The following SP140 variants were observed in gnomAD, a reference collection of about 807,000 sequenced individuals.
The protein encoded by SP140 is nuclear body protein SP140.
SP140 carries 81 observed loss-of-function variants against 125.0 expected under a neutral mutation model. The observed-to-expected ratio is 0.65, with a 90% confidence interval of 0.54 to 0.78. SP140 has a LOEUF of 0.78. SP140 is among the 30% of genes least tolerant of loss of function. SP140 has a pLI of 0.00. For missense variants in SP140, 858 were observed against 1,037.0 expected (o/e 0.83, Z 2.37); for synonymous variants, 312 against 354.0 (o/e 0.88, Z 1.33).
upstream of SP140, chr2:230,200,467 A>G (rs2043080447): frequency 5.3e-6 from 1 of 189,898 alleles, no homozygotes; most frequent in Admixed American, 5.4e-5. Flanking sequence ...CAGAAAGGCC[A>G]CATGAGAAAT....
At chr2:230,200,843 C>T (rs200460698), upstream of SP140, 7 of 1,402,124 alleles carry the variant, frequency 5.0e-6, no homozygotes, top group Non-Finnish European at 7.1e-6. Context: ...AATTTAGATT[C>T]CTGGTGACTG....
At chr2:230,309,322 C>T (rs2059115944) in intron 22 of SP140, among the ~76,000 whole-genome samples, 1 of 152,286 alleles carries the variant, frequency 6.6e-6, no homozygotes, top group East Asian at 1.9e-4. Flanking sequence ...TGCCAGGCTC[C>T]CAGAGCTGAA....
chr2:230,283,441 T>C (rs1018840266), intron 15 of SP140, among the ~76,000 whole-genome samples: 3 of 152,194 alleles, frequency 2.0e-5, no homozygotes, highest in Admixed American at 6.5e-5. Context: ...TCTGAATCCC[T>C]AGGCACTTTG....
intron 22 of SP140, among the ~76,000 whole-genome samples, chr2:230,302,435 G>T (rs542206016): frequency 6.6e-6 from 1 of 152,078 alleles, no homozygotes; most frequent in Non-Finnish European, 1.5e-5. Flanking sequence ...CCTAAGAAAT[G>T]AGATAGATGG....
intron 1 of SP140, among the ~76,000 whole-genome samples, chr2:230,208,768 G>A (rs962053947): frequency 6.6e-6 from 1 of 152,224 alleles, no homozygotes; most frequent in Non-Finnish European, 1.5e-5. Flanking sequence ...ACTCTCTCCA[G>A]CACTGCTGGC....
chr2:230,279,801 T>A (rs1178388988), intron 15 of SP140, among the ~76,000 whole-genome samples: 2 of 152,150 alleles, frequency 1.3e-5, no homozygotes, highest in East Asian at 3.8e-4. Context: ...CTAGTTTGTT[T>A]TTTAAAAGAT....
chr2:230,227,260 G>T (rs987254785), intron 1 of SP140, among the ~76,000 whole-genome samples: 2 of 152,214 alleles, frequency 1.3e-5, no homozygotes, highest in African/African-American at 4.8e-5. Flanking sequence ...AGTAGTGGTG[G>T]CACCAGACTG....
At chr2:230,251,889 G>A (rs1016316246) in intron 10 of SP140, among the ~76,000 whole-genome samples, 3 of 152,058 alleles carry the variant, frequency 2.0e-5, no homozygotes, top group Non-Finnish European at 4.4e-5. Context: ...ATGTGACACC[G>A]GTGTTTGTTA....
At chr2:230,265,014 C>G (rs1582833) in intron 12 of SP140, among the ~76,000 whole-genome samples, 47,784 of 151,796 alleles carry the variant, frequency 0.31, 8,021 homozygotes, top group African/African-American at 0.42. Flanking sequence ...GGTGATGGGC[C>G]AGCCCTAGAA....
chr2:230,276,470 A>C (rs1261776156), intron 15 of SP140, among the ~76,000 whole-genome samples: 1 of 152,158 alleles, frequency 6.6e-6, no homozygotes, highest in Non-Finnish European at 1.5e-5. Context: ...TACTCCTCAG[A>C]AAAAAAGATT....
Position 230,278,985 on chromosome 2 carries a change from G to T in SP140, c.1499-5361G>T, listed in dbSNP as rs147245569. Among the ~76,000 whole-genome samples the T allele has an allele frequency of 5.8e-4, 89 of 152,166 alleles. 2 individuals are homozygous for T. In the East Asian group the frequency reaches 8.1e-3, roughly 14 times the overall value. Reference sequence around the variant, plus strand: ...ACTGTTGGAACTAACAAATGAATTAGTAAGGTTGCAGAATTCAAAGATCAG... The same window carrying T: ...ACTGTTGGAACTAACAAATGAATTATTAAGGTTGCAGAATTCAAAGATCAG... On this transcript the variant is annotated intron_variant, in intron 15 of 26. Coordinates refer to ENST00000392045, the MANE Select transcript of SP140 (RefSeq NM_007237.5).
At chr2:230,248,146 G>A in intron 8 of SP140, 81 bp downstream of exon 8, 2 of 1,340,036 alleles carry the variant, frequency 1.5e-6, no homozygotes, top group South Asian at 1.3e-5. Flanking sequence ...GGTGGGCAAG[G>A]TTTCTGACAG....
chr2:230,255,463 G>A lies in SP140; in HGVS notation c.1171G>A (p.Asp391Asn). Reference sequence around the variant, plus strand: ...CTTCCTTTCTGCAGAGGGCAGTGATGACTGTTCGGAAATGTGTGATGGAGA... The same window carrying A: ...CTTCCTTTCTGCAGAGGGCAGTGATAACTGTTCGGAAATGTGTGATGGAGA... ...LPGEGEEGSD[D>N]CSEMCDGEER... The change falls in exon 12 of 27, where the codon GAC becomes AAC. Residue 391 changes from aspartate to asparagine, a missense_variant. Asp to Asn is a conservative substitution (Grantham distance 23). Around this residue, in one of 4 missense-constraint regions of SP140, gnomAD observed 791 missense variants for 869.5 expected, o/e 0.91. Coordinates refer to ENST00000392045, the MANE Select transcript of SP140 (RefSeq NM_007237.5). The A allele has an allele frequency of 6.2e-7, 1 of 1,614,004 alleles. No homozygotes were observed. The highest frequency in any genetic ancestry group is 2.2e-5 in the East Asian group (1 of 44,872).
At chr2:230,294,368 C>A in intron 21 of SP140, 50 bp downstream of exon 21, 1 of 1,414,548 alleles carries the variant, frequency 7.1e-7, no homozygotes, top group Non-Finnish European at 1.0e-6. Flanking sequence ...ACTGATTTAG[C>A]ATGCACAAAA....
At chr2:230,243,634 A>G (rs913771184) in intron 4 of SP140, 97 bp from the exon 5 acceptor site, 7 of 954,498 alleles carry the variant, frequency 7.3e-6, no homozygotes, top group Non-Finnish European at 1.1e-5. Context: ...CTTCCAGATT[A>G]TCAGGTTTTC....
In SP140 at chr2:230,311,251, C is replaced by CACG. The variant is rs2059305361; in HGVS notation, c.2361+21_2361+22insCGA. On this transcript the variant is annotated intron_variant, in intron 25 of 26. Coordinates refer to ENST00000392045, the MANE Select transcript of SP140 (RefSeq NM_007237.5). The stretch of plus-strand genomic sequence containing the variant: ...TATTATGTAAGTAACAACAGCAACC[C>CACG]ATGATTACAGGCTGCCATGACATTA... 6.3e-7 allele frequency: 1 copy of CACG among 1,586,074 alleles called. No individual in the cohort carries two copies. The highest frequency in any genetic ancestry group is 1.9e-5 in the Admixed American group (1 of 53,660).
At chr2:230,232,305 A>G (rs1369776353) in intron 1 of SP140, among the ~76,000 whole-genome samples, 1 of 152,218 alleles carries the variant, frequency 6.6e-6, no homozygotes, top group African/African-American at 2.4e-5. Context: ...CAATTCATCA[A>G]ACATACCAGG....
chr2:230,190,557 T>A, the SP140 span, among the ~76,000 whole-genome samples: 4 of 152,318 alleles, frequency 2.6e-5, no homozygotes, highest in African/African-American at 9.6e-5. Context: ...GCTGTTTAGT[T>A]TAATTAATTC....
Position 230,265,062 on chromosome 2 carries a change from G to A in SP140, c.1241-4470G>A, listed in dbSNP as rs899321823. 2.4e-4 allele frequency among the ~76,000 whole-genome samples: 36 copies of A among 152,110 alleles called. 1 individual carries two copies. The highest frequency in any genetic ancestry group is 7.7e-4 in the African/African-American group (32 of 41,402). Reference sequence around the variant, plus strand: ...TATGCCCTTTGTCTTCAGCTGCCAGGGTGGATAAGGAAGAGCCGTCAGGTG... The same window carrying A: ...TATGCCCTTTGTCTTCAGCTGCCAGAGTGGATAAGGAAGAGCCGTCAGGTG... On this transcript the variant is annotated intron_variant, in intron 12 of 26. Coordinates refer to ENST00000392045, the MANE Select transcript of SP140 (RefSeq NM_007237.5).
Sources: gnomAD v4.1 joint callset for allele counts (sites outside exome capture counted in the v4.1 genomes callset) on GRCh38, gnomAD v4.1.1 for gene constraint, gnomAD v4.1.1 regional missense constraint, MANE v1.5 for transcripts, NCBI Gene and HGNC (gene_info 2026-07-23, HGNC 2026-07-21) for gene names.